The following SEC16B variants were observed in gnomAD, a reference collection of about 807,000 sequenced individuals.
SEC16B encodes the protein SEC16 homolog B, endoplasmic reticulum export factor, also known as protein transport protein Sec16B.
SEC16B carries 115 observed loss-of-function variants against 141.8 expected under a neutral mutation model. The ratio of observed to expected loss-of-function variants is 0.81; its 90% confidence interval spans 0.70 to 0.95. The LOEUF (loss-of-function observed/expected upper bound fraction) is 0.95, where lower values mean the gene tolerates loss of function less well. SEC16B is among the 40% of genes least tolerant of loss of function. The probability of loss-of-function intolerance (pLI) is 0.00; values close to 1 mark genes in which losing one functional copy is unlikely to be tolerated. For missense variants in SEC16B, 1,291 were observed against 1,312.3 expected, an observed-to-expected ratio of 0.98 and a Z score of 0.25; for synonymous variants, 493 against 492.5, an observed-to-expected ratio of 1.00 and a Z score of -0.01.
intron 3 of SEC16B, 40 bp downstream of exon 3, chr1:177,965,853 A>G (rs1322876263): frequency 7.6e-7 from 1 of 1,311,866 alleles, no homozygotes; most frequent in African/African-American, 1.5e-5. Context: ...CAGCTGCCCC[A>G]TCCCCAAATC....
chr1:177,930,711 C>A (rs991134737), intron 24 of SEC16B, 68 bp from the exon 25 acceptor site: 3 of 1,090,434 alleles, frequency 2.8e-6, no homozygotes, highest in Non-Finnish European at 2.8e-6. Flanking sequence ...TCGAGGCCTT[C>A]AAGAAGCATA....
At chr1:177,978,990 A>G (rs1654293011) in intron 1 of SEC16B, among the ~76,000 whole-genome samples, 1 of 152,166 alleles carries the variant, frequency 6.6e-6, no homozygotes, top group African/African-American at 2.4e-5. Context: ...CAGTGGCATC[A>G]GTAGAATGTC....
intron 19 of SEC16B, 37 bp from the exon 20 acceptor site, chr1:177,936,402 G>C (rs780818046): frequency 1.3e-6 from 2 of 1,554,144 alleles, no homozygotes; most frequent in Admixed American, 1.8e-5. Context: ...GCAATTGGAA[G>C]TTGTGCTTTT....
intron 15 of SEC16B, 127 bp from the exon 16 acceptor site, chr1:177,942,167 G>T (rs1007354984): frequency 2.3e-5 from 24 of 1,044,042 alleles, no homozygotes; most frequent in Non-Finnish European, 2.9e-5. Flanking sequence ...ATACCAAGAG[G>T]CTTGTGCCAT....
At chr1:177,931,357 T>G (rs1321671159) in intron 24 of SEC16B, among the ~76,000 whole-genome samples, 1 of 151,946 alleles carries the variant, frequency 6.6e-6, no homozygotes, top group Non-Finnish European at 1.5e-5. Context: ...CACTTATAAG[T>G]GGGGAGCTAT....
At chr1:177,949,948 C>CCA (rs1652040578) in intron 12 of SEC16B, among the ~76,000 whole-genome samples, 1 of 148,664 alleles carries the variant, frequency 6.7e-6, no homozygotes, top group Admixed American at 6.7e-5. Context: ...TCTACTATTA[C>CCA]AAAAAAAAAA....
In SEC16B at chr1:177,929,906, AT is replaced by A. The variant is rs1357849618; in HGVS notation, c.3134del (p.Asn1045IlefsTer6). The A allele has an allele frequency of 1.9e-6, 3 of 1,613,808 alleles. No homozygotes were observed. Among genetic ancestry groups the A allele is most frequent in the Middle Eastern group, 1.6e-4 (1 of 6,076 alleles). ...GACGCTGAGCTAGGCGATTTGGCCG[AT>A]TCAGGCTAGTGGCCGTGGGCAGCTG... Reference protein sequence around the residue: ...VPQLPTATSLNRPNRLAQRRY... With the variant: ...VPQLPTATSLXRPNRLAQRRY... On this transcript the variant is annotated frameshift_variant, in exon 26 of 26. Transcript: ENST00000308284. LOFTEE classifies it high-confidence loss of function.
At chr1:177,950,572 A>G (rs946924083) in intron 12 of SEC16B, among the ~76,000 whole-genome samples, 1 of 152,202 alleles carries the variant, frequency 6.6e-6, no homozygotes. Context: ...AAAAATAGAG[A>G]GGAGAGAGAA....
chr1:177,943,528 G>T (rs1651440715), intron 15 of SEC16B, among the ~76,000 whole-genome samples: 1 of 152,214 alleles, frequency 6.6e-6, no homozygotes, highest in African/African-American at 2.4e-5. Context: ...AATTGTTGTT[G>T]TTGCTGCTGC....
chr1:177,964,644 A>T (rs371344303), intron 4 of SEC16B, among the ~76,000 whole-genome samples: 1 of 152,204 alleles, frequency 6.6e-6, no homozygotes, highest in African/African-American at 2.4e-5. Context: ...GTCTTACCAC[A>T]GGGAGATGGC....
rs1364669654 is a variant in SEC16B at position 177,929,429 on chromosome 1, A to T, written c.*429T>A. 3 of 189,972 alleles carry T rather than the reference A, an allele frequency of 1.6e-5. No individual in the cohort carries two copies. Among genetic ancestry groups the T allele is most frequent in the African/African-American group, 4.6e-5 (2 of 43,290 alleles). 11.8% of individuals were successfully genotyped at this position (189,972 alleles called of 1,614,324 possible). A position where few individuals can be genotyped will look rare whatever the true frequency, so the allele number is the denominator to read the frequency against. ...TGTATTGGTCTATTACTAAGACAGG[A>T]AGTAGTCAAAGTTGGTCTAGAATAT... On this transcript the variant is annotated 3_prime_UTR_variant, in exon 26 of 26. Coordinates refer to ENST00000308284, the MANE Select transcript of SEC16B (RefSeq NM_033127.4).
chr1:177,963,846 C>T (rs915167452), intron 5 of SEC16B, among the ~76,000 whole-genome samples: 5 of 152,104 alleles, frequency 3.3e-5, no homozygotes, highest in African/African-American at 1.2e-4. Context: ...ATTGCTAGTC[C>T]CCTGGGGTCC....
Position 177,958,381 on chromosome 1 carries a change from C to T in SEC16B, c.1135-19G>A, listed in dbSNP as rs201568012. 2.0e-6 allele frequency: 3 copies of T among 1,535,486 alleles called. No individual in the cohort carries two copies. The highest frequency in any genetic ancestry group is 2.6e-6 in the Non-Finnish European group (3 of 1,136,476). On this transcript the variant is annotated intron_variant, in intron 9 of 25. Coordinates refer to ENST00000308284, the MANE Select transcript of SEC16B (RefSeq NM_033127.4). ...CCATGGACTGTAAGGCAAAGAGGAT[C>T]ATCTGGGGAGAATCCTATGAGTCCT...
At chr1:177,939,527 G>A (rs1651115342) in intron 18 of SEC16B, among the ~76,000 whole-genome samples, 175 bp downstream of exon 18, 1 of 152,246 alleles carries the variant, frequency 6.6e-6, no homozygotes, top group African/African-American at 2.4e-5. Context: ...TGTTAGGGAT[G>A]TGTGAGGCTG....
At chr1:177,961,296 G>T in intron 6 of SEC16B, 1 of 454,758 alleles carries the variant, frequency 2.2e-6, no homozygotes, top group Non-Finnish European at 3.9e-6. Context: ...TCTTGCTTTT[G>T]CTTTTCCTAA....
intron 11 of SEC16B, 43 bp downstream of exon 11, chr1:177,954,236 G>T (rs986896771): frequency 8.4e-6 from 12 of 1,435,234 alleles, no homozygotes; most frequent in Admixed American, 2.0e-5. Context: ...TGGTGAGGAG[G>T]CCTCTCTGCC....
intron 13 of SEC16B, among the ~76,000 whole-genome samples, chr1:177,947,057 C>T (rs922631673): frequency 6.6e-6 from 1 of 152,186 alleles, no homozygotes; most frequent in African/African-American, 2.4e-5. Flanking sequence ...CAGTGCCTGG[C>T]CCCCAAGAAG....
In SEC16B at chr1:177,970,009, G is replaced by A. The variant is rs892158661; in HGVS notation, c.-184C>T. ...TCTACCAAGACTCCCCAGGCCCTCA[G>A]ATCTACATCATGTCAGTTACCTTTG... On this transcript the variant is annotated 5_prime_UTR_variant, in exon 1 of 26. Transcript: ENST00000308284. 9.2e-5 allele frequency: 14 copies of A among 152,306 alleles called. No individual in the cohort carries two copies. Among genetic ancestry groups the A allele is most frequent in the African/African-American group, 3.4e-4 (14 of 41,446 alleles). The allele number at this position is 152,306 out of a possible 1,614,324, so 9.4% of individuals were successfully genotyped here.
At chr1:177,950,303 C>T (rs1022501668) in intron 12 of SEC16B, among the ~76,000 whole-genome samples, 15 of 152,110 alleles carry the variant, frequency 9.9e-5, no homozygotes, top group Non-Finnish European at 1.6e-4. Context: ...CAAGAGGACA[C>T]GAGGGAGAGG....
Sources: allele counts gnomAD v4.1 joint callset (sites outside exome capture counted in the v4.1 genomes callset), GRCh38; gene constraint gnomAD v4.1.1; transcripts MANE v1.5; gene names NCBI Gene and HGNC (gene_info 2026-07-23, HGNC 2026-07-21).